The following ST18 variants were observed in gnomAD, a reference collection of about 807,000 sequenced individuals.
ST18 encodes suppression of tumorigenicity 18 protein.
ST18 carries 50 observed loss-of-function variants against 110.0 expected under a neutral mutation model. The observed-to-expected ratio is 0.45, with a 90% CI of 0.36 to 0.58. The LOEUF is 0.58. ST18 is among the 20% of genes least tolerant of loss of function. The pLI is 0.00. For synonymous variants in ST18, 461 were observed against 452.4 expected (o/e 1.02, Z -0.24); for missense variants, 1,306 against 1,280.1 (o/e 1.02, Z -0.31).
At chr8:52,344,573 G>A (rs1170330842) in intron 2 of ST18, among the ~76,000 whole-genome samples, 1 of 152,040 alleles carries the variant, frequency 6.6e-6, no homozygotes, top group Non-Finnish European at 1.5e-5. Flanking sequence ...ACTAATTTTT[G>A]TATTTTTAAT....
At chr8:52,184,485 A>T (rs2071197209) in intron 8 of ST18, among the ~76,000 whole-genome samples, 1 of 152,230 alleles carries the variant, frequency 6.6e-6, no homozygotes, top group African/African-American at 2.4e-5. Flanking sequence ...ATTTGAAATG[A>T]TATTCCCTTT....
At chr8:52,163,878 T>C in intron 13 of ST18, 108 bp downstream of exon 13, 1 of 768,228 alleles carries the variant, frequency 1.3e-6, no homozygotes, top group South Asian at 1.8e-5. Flanking sequence ...CTACTGGGGC[T>C]GAGAGGGGAG....
At chr8:52,133,352 T>TG (rs1388700421) in intron 19 of ST18, 51 bp from the exon 20 acceptor site, 1 of 1,603,684 alleles carries the variant, frequency 6.2e-7, no homozygotes, top group Non-Finnish European at 8.5e-7. Flanking sequence ...GTTGGGGGAG[T>TG]GGGGGTCACA....
intron 9 of ST18, among the ~76,000 whole-genome samples, chr8:52,173,677 G>T (rs570243726): frequency 9.2e-5 from 14 of 152,160 alleles, no homozygotes; most frequent in South Asian, 2.1e-4. Context: ...CTGCAACAGT[G>T]CCCAGACATC....
intron 8 of ST18, among the ~76,000 whole-genome samples, chr8:52,189,524 C>T (rs1466806407): frequency 1.3e-5 from 2 of 152,202 alleles, no homozygotes; most frequent in African/African-American, 2.4e-5. Context: ...GGCTTTTTGT[C>T]TCTGGGCCTG....
chr8:52,159,210 G>T, intron 14 of ST18, 101 bp from the exon 15 acceptor site: 2 of 1,141,232 alleles, frequency 1.8e-6, no homozygotes, highest in Non-Finnish European at 2.5e-6. Flanking sequence ...TAAAATATGT[G>T]AAGAATAAAT....
Position 52,131,998 on chromosome 8 carries a change from C to T in ST18, c.2626G>A (p.Gly876Arg). Residue 876 changes from glycine to arginine, a missense_variant, in exon 22 of 26, where the codon GGG becomes AGG. By Grantham distance (125) the Gly-to-Arg change is moderately radical. Coordinates refer to ENST00000689386, the MANE Select transcript of ST18 (RefSeq NM_001352837.2). ...AAAACATTATTTACATGGCCCAGCC[C>T]ATTGCAGCCTGGCAAGGGACAATGT... ...LPHCPLPGCN[G>R]LGHVNNVFVT... 1.9e-6 allele frequency: 3 copies of T among 1,614,212 alleles called. No homozygotes were observed. The highest frequency in any genetic ancestry group is 2.5e-6 in the Non-Finnish European group (3 of 1,180,042).
At chr8:52,123,700 A>G (rs1312405834) in intron 23 of ST18, among the ~76,000 whole-genome samples, 1 of 152,220 alleles carries the variant, frequency 6.6e-6, no homozygotes, top group East Asian at 1.9e-4. Context: ...TCAGCTGAAG[A>G]TGCTAGACAT....
At chr8:52,118,486 C>A in intron 23 of ST18, 45 bp from the exon 24 acceptor site, 1 of 1,152,840 alleles carries the variant, frequency 8.7e-7, no homozygotes, top group Non-Finnish European at 1.2e-6. Flanking sequence ...AAACTGTTAA[C>A]AAATGAGTCA....
At chr8:52,231,130 G>A (rs2091221182) in intron 2 of ST18, among the ~76,000 whole-genome samples, 1 of 152,074 alleles carries the variant, frequency 6.6e-6, no homozygotes, top group South Asian at 2.1e-4. Context: ...GATCATTGTG[G>A]GAAATTATAT....
chr8:52,264,958 G>C (rs1351093340), intron 2 of ST18, among the ~76,000 whole-genome samples: 1 of 152,164 alleles, frequency 6.6e-6, no homozygotes, highest in East Asian at 1.9e-4. Context: ...TCTTAGTGGA[G>C]AATGAGACAA....
At chr8:52,226,271 G>A (rs1186676734) in intron 3 of ST18, among the ~76,000 whole-genome samples, 1 of 152,120 alleles carries the variant, frequency 6.6e-6, no homozygotes, top group African/African-American at 2.4e-5. Flanking sequence ...TGCATGACTC[G>A]TCACACAGAG....
chr8:52,354,627 G>T (rs1821852818), intron 2 of ST18, among the ~76,000 whole-genome samples: 1 of 152,150 alleles, frequency 6.6e-6, no homozygotes, highest in South Asian at 2.1e-4. Context: ...CGAGGACCCT[G>T]GATTGAGCCC....
chr8:52,124,043 C>T (rs1376906345), intron 23 of ST18, among the ~76,000 whole-genome samples: 1 of 152,166 alleles, frequency 6.6e-6, no homozygotes, highest in Non-Finnish European at 1.5e-5. Context: ...TTTGTGTTGG[C>T]TTCTAAAAGG....
chr8:52,192,162 C>T (rs2074732991), intron 8 of ST18, among the ~76,000 whole-genome samples: 1 of 152,176 alleles, frequency 6.6e-6, no homozygotes, highest in South Asian at 2.1e-4. Context: ...TAGCTATGCC[C>T]ACAGCCCAAT....
chr8:52,388,212 G>C (rs1837660005), intron 2 of ST18, among the ~76,000 whole-genome samples: 1 of 152,094 alleles, frequency 6.6e-6, no homozygotes, highest in South Asian at 2.1e-4. Flanking sequence ...AGAAACACTG[G>C]GCGAATACGG....
chr8:52,219,337 T>A (rs760650196), intron 5 of ST18, among the ~76,000 whole-genome samples: 12 of 151,860 alleles, frequency 7.9e-5, no homozygotes, highest in Non-Finnish European at 1.6e-4. Flanking sequence ...TTTCATGCAT[T>A]TATTAATAAC....
At chr8:52,271,039 C>T (rs550654587) in intron 2 of ST18, among the ~76,000 whole-genome samples, 4 of 151,960 alleles carry the variant, frequency 2.6e-5, no homozygotes, top group African/African-American at 4.8e-5. Flanking sequence ...GCTGGGACTA[C>T]GGGCGCCCGC....
chr8:52,322,929 G>A (rs1804660068), intron 2 of ST18, among the ~76,000 whole-genome samples: 1 of 152,160 alleles, frequency 6.6e-6, no homozygotes, highest in Admixed American at 6.5e-5. Context: ...CACCACCAAA[G>A]GAATCAGCAA....
Sources: allele counts gnomAD v4.1 joint callset (sites outside exome capture counted in the v4.1 genomes callset), GRCh38; gene constraint gnomAD v4.1.1; transcripts MANE v1.5; gene names NCBI Gene and HGNC (gene_info 2026-07-23, HGNC 2026-07-21).